The following SP110 variants were observed in gnomAD, a reference collection of about 807,000 sequenced individuals.
SP110 encodes the protein interferon-induced protein 41, 30kD.
SP110 carries 62 observed loss-of-function variants against 92.7 expected under a neutral mutation model. That is an observed-to-expected ratio of 0.67 (90% confidence interval 0.55 to 0.83). The LOEUF (loss-of-function observed/expected upper bound fraction) is 0.83. Among genes scored for constraint, SP110 ranks in the 40% least tolerant of loss-of-function variants. The probability of loss-of-function intolerance (pLI) is 0.00; values close to 1 mark genes in which losing one functional copy is unlikely to be tolerated. For synonymous variants in SP110, 273 were observed against 305.3 expected (o/e 0.89, Z 1.10); for missense variants, 793 against 863.9 (o/e 0.92, Z 1.03).
Position 230,166,931 on chromosome 2 carries a change from C to T in SP110, c.*2193G>A, listed in dbSNP as rs924926049. ...GAGTGACTGCTGCTTCCTTTTTCCC[C>T]GTTTGAATGGAAGTGTCTATAGTAG... On this transcript the variant is annotated 3_prime_UTR_variant, in exon 19 of 19. Transcript: ENST00000258381. Among the ~76,000 whole-genome samples the T allele has an allele frequency of 5.9e-5, 9 of 152,024 alleles. No individual in the cohort carries two copies. The highest frequency in any genetic ancestry group is 1.7e-4 in the African/African-American group (7 of 41,372).
chr2:230,194,706 C>A (rs2042784174), intron 10 of SP110, among the ~76,000 whole-genome samples: 1 of 152,198 alleles, frequency 6.6e-6, no homozygotes, highest in Admixed American at 6.5e-5. Flanking sequence ...AACTGAAAGT[C>A]TGAATCCTGC....
chr2:230,202,882 T>C, intron 8 of SP110, 154 bp from the exon 9 acceptor site: 1 of 729,412 alleles, frequency 1.4e-6, no homozygotes, highest in Non-Finnish European at 2.4e-6. Flanking sequence ...TACTTCTCTA[T>C]AATTATATCC....
At chr2:230,201,319 C>T (rs1192907895) in intron 9 of SP110, among the ~76,000 whole-genome samples, 8 of 152,184 alleles carry the variant, frequency 5.3e-5, no homozygotes, top group Admixed American at 5.2e-4. Context: ...AAATTGTTTT[C>T]ATAATATGAT....
At chr2:230,201,068 G>C in intron 9 of SP110, 103 bp from the exon 10 acceptor site, 2 of 885,322 alleles carry the variant, frequency 2.3e-6, no homozygotes, top group South Asian at 1.3e-5. Context: ...GAGTCTTGGA[G>C]GCTCCAGGTC....
intron 2 of SP110, 108 bp from the exon 3 acceptor site, chr2:230,215,226 G>C (rs1310571772): frequency 4.6e-6 from 4 of 875,862 alleles, no homozygotes; most frequent in Non-Finnish European, 7.3e-6. Context: ...CTTTTAAGAA[G>C]AAATTCAACA....
chr2:230,182,861 C>G (rs1466470446), intron 12 of SP110, among the ~76,000 whole-genome samples: 1 of 152,194 alleles, frequency 6.6e-6, no homozygotes, highest in Admixed American at 6.5e-5. Context: ...ACTGCTGTCT[C>G]CACTGAGGAA....
intron 8 of SP110, chr2:230,203,689 G>A (rs2043434444): frequency 6.6e-6 from 1 of 152,130 alleles, no homozygotes; most frequent in South Asian, 2.1e-4. Flanking sequence ...AAATATGAGA[G>A]TGTGGTATGT....
chr2:230,169,946 A>G (rs2078389757), intron 18 of SP110, among the ~76,000 whole-genome samples: 2 of 152,272 alleles, frequency 1.3e-5, no homozygotes, highest in South Asian at 4.1e-4. Flanking sequence ...CCAGTTTACA[A>G]TCTGTGGTTT....
intron 2 of SP110, 102 bp from the exon 3 acceptor site, chr2:230,215,220 TAAG>T (rs2044974250): frequency 1.1e-6 from 1 of 916,670 alleles, no homozygotes; most frequent in Non-Finnish European, 1.7e-6. Context: ...CTTACTCTTT[TAAG>T]AAGAAATTCA....
In SP110 at chr2:230,216,764, G is replaced by T. The variant is rs200699664; in HGVS notation, c.147+17C>A. 413 of 1,613,470 alleles carry T rather than the reference G, an allele frequency of 2.6e-4. No individual in the cohort carries two copies. The highest frequency in any genetic ancestry group is 4.8e-4 in the Admixed American group (29 of 60,012). On this transcript the variant is annotated intron_variant, in intron 2 of 18. Transcript: ENST00000258381. ...GGTGGGGGCTGGGCTGCCATGGAAG[G>T]GTTCAACATGACTCACCATGTACAT...
At chr2:230,207,372 T>TC (rs2043982829) in intron 8 of SP110, among the ~76,000 whole-genome samples, 1 of 152,152 alleles carries the variant, frequency 6.6e-6, no homozygotes, top group Non-Finnish European at 1.5e-5. Flanking sequence ...AGAATTATTT[T>TC]CCCTGACCAG....
intron 10 of SP110, among the ~76,000 whole-genome samples, chr2:230,197,423 A>T (rs1284747730): frequency 6.6e-6 from 1 of 151,210 alleles, no homozygotes; most frequent in Non-Finnish European, 1.5e-5. Context: ...GTTTGAGTTA[A>T]TTGTAGATTC....
chr2:230,192,652 C>T (rs1434246845), intron 10 of SP110, among the ~76,000 whole-genome samples: 1 of 152,180 alleles, frequency 6.6e-6, no homozygotes, highest in African/African-American at 2.4e-5. Flanking sequence ...AATGGAAAAA[C>T]ATTCCATCTT....
At chr2:230,181,275 T>A (rs2042115307) in intron 12 of SP110, among the ~76,000 whole-genome samples, 1 of 152,210 alleles carries the variant, frequency 6.6e-6, no homozygotes, top group Admixed American at 6.5e-5. Flanking sequence ...CACACATGCA[T>A]CAGATAGGCC....
intron 10 of SP110, among the ~76,000 whole-genome samples, chr2:230,195,391 G>A (rs2042825001): frequency 6.6e-6 from 1 of 152,122 alleles, no homozygotes; most frequent in Non-Finnish European, 1.5e-5. Flanking sequence ...CTGGAGTGCA[G>A]TGGCATAATC....
At chr2:230,179,148 T>A (rs967007) in intron 12 of SP110, among the ~76,000 whole-genome samples, 1 of 152,038 alleles carries the variant, frequency 6.6e-6, no homozygotes, top group African/African-American at 2.4e-5. Flanking sequence ...GACGGAAAGG[T>A]GAAGGAACAG....
At chr2:230,193,064 A>T (rs1250538626) in intron 10 of SP110, among the ~76,000 whole-genome samples, 2 of 152,152 alleles carry the variant, frequency 1.3e-5, no homozygotes, top group African/African-American at 4.8e-5. Context: ...TTAGGACTGT[A>T]ATATCTTCCT....
chr2:230,171,894 G>A (rs1256173633), intron 16 of SP110, 127 bp from the exon 17 acceptor site: 4 of 867,994 alleles, frequency 4.6e-6, no homozygotes, highest in Non-Finnish European at 7.9e-6. Context: ...GCTTCCCAAG[G>A]CGCACAGGGT....
At chr2:230,181,569 A>G (rs1190909112) in intron 12 of SP110, among the ~76,000 whole-genome samples, 1 of 152,232 alleles carries the variant, frequency 6.6e-6, no homozygotes, top group Non-Finnish European at 1.5e-5. Flanking sequence ...AAGGTCTAAT[A>G]TCCAGAATTT....
Sources: allele counts gnomAD v4.1 joint callset (sites outside exome capture counted in the v4.1 genomes callset), GRCh38; gene constraint gnomAD v4.1.1; transcripts MANE v1.5; gene names NCBI Gene and HGNC (gene_info 2026-07-23, HGNC 2026-07-21).